CTNNA2: variants seen among roughly 807,000 people sequenced by gnomAD.
The protein encoded by CTNNA2 is catenin alpha 2, also known as catenin alpha-2.
Under a neutral mutation model 101.0 loss-of-function variants are expected in CTNNA2, and 42 were observed. The ratio of observed to expected loss-of-function variants is 0.42; its 90% CI spans 0.32 to 0.54. The LOEUF (loss-of-function observed/expected upper bound fraction) is 0.54, where lower values mean the gene tolerates loss of function less well. Among genes scored for constraint, CTNNA2 ranks in the 20% least tolerant of loss-of-function variants. CTNNA2 has a pLI of 0.14. For synonymous variants in CTNNA2, 450 were observed against 456.4 expected (o/e 0.99, Z 0.18); for missense variants, 871 against 1,223.1 (o/e 0.71, Z 4.29).
At chr2:79,906,293 TACAC>T (rs35256196) in intron 6 of CTNNA2, among the ~76,000 whole-genome samples, 2 of 149,784 alleles carry the variant, frequency 1.3e-5, no homozygotes, top group Non-Finnish European at 3.0e-5. Context: ...TCATCCGGGA[TACAC>T]ACACACACAC....
At chr2:79,662,879 G>C (rs1479468931) in intron 2 of CTNNA2, among the ~76,000 whole-genome samples, 2 of 152,128 alleles carry the variant, frequency 1.3e-5, no homozygotes, top group African/African-American at 4.8e-5. Context: ...CATCTCATGG[G>C]ATTTATTTCC....
At chr2:79,682,309 G>A (rs189574127) in intron 2 of CTNNA2, among the ~76,000 whole-genome samples, 2,198 of 150,868 alleles carry the variant, frequency 0.015, 60 homozygotes, top group African/African-American at 0.051. Flanking sequence ...TACTCGGGAG[G>A]CTGAGGCAGG....
intron 7 of CTNNA2, among the ~76,000 whole-genome samples, chr2:80,010,018 C>T (rs1693662614): frequency 6.6e-6 from 1 of 152,116 alleles, no homozygotes; most frequent in Non-Finnish European, 1.5e-5. Context: ...CACCTACCTC[C>T]AATAACTTTT....
At position 79,873,243 on chromosome 2, in the gene CTNNA2, C is replaced by T. The variant is rs527422667; in HGVS notation, c.586-833C>T. 1.8e-4 allele frequency among the ~76,000 whole-genome samples: 28 copies of T among 152,018 alleles called. No individual in the cohort carries two copies. In the South Asian group the frequency reaches 4.8e-3, roughly 26 times the overall value. ...GACGTTTTCAGGTTTTCTGTCTGTT[C>T]ATAACTAACTGTATGGCCCATGCAA... On this transcript the variant is annotated intron_variant, in intron 5 of 18. Transcript: ENST00000402739.
chr2:79,884,039 A>C (rs1683651967), intron 6 of CTNNA2, among the ~76,000 whole-genome samples: 1 of 152,204 alleles, frequency 6.6e-6, no homozygotes, highest in African/African-American at 2.4e-5. Context: ...TAACAAATTA[A>C]AAGTGACACC....
At chr2:79,838,747 G>T (rs1679574928) in intron 3 of CTNNA2, among the ~76,000 whole-genome samples, 1 of 152,054 alleles carries the variant, frequency 6.6e-6, no homozygotes, top group Admixed American at 6.6e-5. Context: ...AAAGGTAGAG[G>T]ACTGTGTAGT....
intron 7 of CTNNA2, among the ~76,000 whole-genome samples, chr2:80,317,745 C>T (rs1559000838): frequency 6.6e-6 from 1 of 152,118 alleles, no homozygotes; most frequent in Non-Finnish European, 1.5e-5. Context: ...GGGAGTCTGG[C>T]TTCATTAACA....
intron 2 of CTNNA2, among the ~76,000 whole-genome samples, chr2:79,302,502 C>T (rs1676136503): frequency 6.6e-6 from 1 of 152,138 alleles, no homozygotes; most frequent in East Asian, 1.9e-4. Flanking sequence ...TTAGTCTTTT[C>T]TTTAGAGAGT....
At chr2:79,883,692 G>A (rs1213096977) in intron 6 of CTNNA2, among the ~76,000 whole-genome samples, 1 of 152,066 alleles carries the variant, frequency 6.6e-6, no homozygotes, top group Non-Finnish European at 1.5e-5. Flanking sequence ...AATTCCTACA[G>A]AATTTTCTTA....
intron 4 of CTNNA2, among the ~76,000 whole-genome samples, chr2:79,394,154 C>T (rs1678204457): frequency 6.6e-6 from 1 of 152,112 alleles, no homozygotes; most frequent in Admixed American, 6.6e-5. Flanking sequence ...GCACTCAAGG[C>T]CAGACTCTGG....
At chr2:80,591,476 T>TTTTTTTTTTTTTTGTTTTTTTTG (rs1696502284) in intron 15 of CTNNA2, among the ~76,000 whole-genome samples, 1 of 145,952 alleles carries the variant, frequency 6.9e-6, no homozygotes, top group African/African-American at 2.6e-5. Flanking sequence ...TTTTTTTTTT[T>TTTTTTTTTTTTTTGTTTTTTTTG]TTGCAAACAG....
intron 2 of CTNNA2, among the ~76,000 whole-genome samples, chr2:79,287,497 T>C (rs1340202851): frequency 6.6e-6 from 1 of 151,790 alleles, no homozygotes; most frequent in African/African-American, 2.4e-5. Flanking sequence ...GCTGCAGGTC[T>C]ATTGGAGTAC....
intron 7 of CTNNA2, among the ~76,000 whole-genome samples, chr2:80,190,239 A>AT: frequency 6.6e-6 from 1 of 152,158 alleles, no homozygotes. Flanking sequence ...CTAGGGGCTG[A>AT]TTACAGGGGA....
intron 1 of CTNNA2, among the ~76,000 whole-genome samples, chr2:79,561,754 C>T (rs922618844): frequency 2.6e-5 from 4 of 151,802 alleles, no homozygotes; most frequent in Admixed American, 6.6e-5. Context: ...CCTCATATAG[C>T]TTCTTTGGAG....
intron 1 of CTNNA2, among the ~76,000 whole-genome samples, chr2:79,190,746 ATAG>A (rs566414995): frequency 8.6e-4 from 131 of 152,294 alleles, no homozygotes; most frequent in African/African-American, 3.0e-3. Context: ...ATACTAGAAA[ATAG>A]TAAGTTCCCT....
chr2:80,089,137 T>G (rs1461183964), intron 7 of CTNNA2, among the ~76,000 whole-genome samples: 1 of 151,986 alleles, frequency 6.6e-6, no homozygotes, highest in East Asian at 1.9e-4. Flanking sequence ...TACTTCCCCC[T>G]CCTTAGCTGG....
intron 7 of CTNNA2, chr2:80,163,270 G>C: frequency 1.5e-6 from 1 of 647,986 alleles, no homozygotes; most frequent in Non-Finnish European, 2.7e-6. Flanking sequence ...AGCCAGCCTT[G>C]TATCCTTGAT....
rs1369474097 is a variant in CTNNA2 at position 79,410,363 on chromosome 2, C to A, written c.-135+36350C>A. On this transcript the variant is annotated intron_variant, in intron 4 of 21. Coordinates refer to the CTNNA2 transcript ENST00000466387. ...GTTGAATAGGAGTGGTGAGAGAGGG[C>A]ATCCCTGTCTTGTGCCAGTTTTCAA... Among the ~76,000 whole-genome samples the A allele has an allele frequency of 1.2e-4, 17 of 147,620 alleles. 1 individual carries two copies. The highest frequency in any genetic ancestry group is 2.2e-4 in the South Asian group (1 of 4,528).
At chr2:80,006,851 G>A (rs907228400) in intron 7 of CTNNA2, among the ~76,000 whole-genome samples, 1 of 151,992 alleles carries the variant, frequency 6.6e-6, no homozygotes, top group Non-Finnish European at 1.5e-5. Context: ...GTTCTTATTG[G>A]AATCCCCATG....
Sources: gnomAD v4.1 joint callset for allele counts (sites outside exome capture counted in the v4.1 genomes callset) on GRCh38, gnomAD v4.1.1 for gene constraint, MANE v1.5 for transcripts, NCBI Gene and HGNC (gene_info 2026-07-23, HGNC 2026-07-21) for gene names.